The following ARHGAP26 variants were observed in gnomAD, a reference collection of about 807,000 sequenced individuals.
ARHGAP26 encodes the protein rho GTPase-activating protein 26.
ARHGAP26 carries 38 observed loss-of-function variants against 104.8 expected under a neutral mutation model. The ratio of observed to expected loss-of-function variants is 0.36; its 90% CI spans 0.28 to 0.48. ARHGAP26 has a LOEUF of 0.48. Among genes scored for constraint, ARHGAP26 ranks in the 20% least tolerant of loss-of-function variants. The probability of loss-of-function intolerance (pLI) is 0.99; values close to 1 mark genes in which losing one functional copy is unlikely to be tolerated. For missense variants in ARHGAP26, 704 were observed against 947.9 expected, an observed-to-expected ratio of 0.74 and a Z score of 3.38; for synonymous variants, 341 against 340.0, an observed-to-expected ratio of 1.00 and a Z score of -0.03.
chr5:143,201,871 C>A (rs542525106), intron 20 of ARHGAP26, among the ~76,000 whole-genome samples: 1 of 152,314 alleles, frequency 6.6e-6, no homozygotes, highest in East Asian at 1.9e-4. Flanking sequence ...AAACAAAAGG[C>A]ATAATTCCTT....
intron 21 of ARHGAP26, among the ~76,000 whole-genome samples, chr5:143,210,989 T>C (rs938259854): frequency 2.0e-5 from 3 of 152,332 alleles, no homozygotes; most frequent in Middle Eastern, 3.4e-3. Flanking sequence ...CAATGATGCC[T>C]GGTGGAGATT....
At chr5:143,061,004 C>T (rs1786617548) in intron 17 of ARHGAP26, among the ~76,000 whole-genome samples, 1 of 152,180 alleles carries the variant, frequency 6.6e-6, no homozygotes, top group Admixed American at 6.5e-5. Context: ...CCAGTTTTGA[C>T]TTTCCAAGTC....
intron 11 of ARHGAP26, among the ~76,000 whole-genome samples, chr5:143,009,514 C>T (rs1412415973): frequency 3.3e-5 from 5 of 152,206 alleles, no homozygotes; most frequent in Non-Finnish European, 7.3e-5. Flanking sequence ...GGTATGAGAA[C>T]CGAATAAGAC....
intron 22 of ARHGAP26, among the ~76,000 whole-genome samples, chr5:143,221,552 C>T (rs998966420): frequency 1.3e-5 from 2 of 151,948 alleles, no homozygotes; most frequent in African/African-American, 4.8e-5. Context: ...CTTGCTCTGT[C>T]GCCCAGGCTG....
At chr5:143,037,841 A>G (rs1302518806) in intron 13 of ARHGAP26, among the ~76,000 whole-genome samples, 3 of 152,196 alleles carry the variant, frequency 2.0e-5, no homozygotes, top group African/African-American at 7.2e-5. Flanking sequence ...TCTGGCAGAC[A>G]TCTTGGGGTC....
chr5:142,778,217 A>G (rs1429445071), intron 1 of ARHGAP26, among the ~76,000 whole-genome samples: 1 of 152,222 alleles, frequency 6.6e-6, no homozygotes, highest in East Asian at 1.9e-4. Context: ...TATTTGCTAA[A>G]ATAGTTTGCT....
chr5:143,222,554 C>A lies in ARHGAP26; in HGVS notation c.*108C>A. 1 of 815,340 alleles carries A rather than the reference C, an allele frequency of 1.2e-6. No homozygotes were observed. The highest frequency in any genetic ancestry group is 1.8e-6 in the Non-Finnish European group (1 of 546,018). 50.5% of individuals were successfully genotyped at this position (815,340 alleles called of 1,614,324 possible). On this transcript the variant is annotated 3_prime_UTR_variant, in exon 23 of 23. Transcript: ENST00000645722. Reference sequence around the variant, plus strand: ...CCACTGAGAAATGCAGCGTGACTGACTCTGTTGCTACCTGTCAACATGAAT... The same window carrying A: ...CCACTGAGAAATGCAGCGTGACTGAATCTGTTGCTACCTGTCAACATGAAT...
At chr5:142,870,061 C>T (rs1755047818) in intron 1 of ARHGAP26, among the ~76,000 whole-genome samples, 1 of 152,232 alleles carries the variant, frequency 6.6e-6, no homozygotes, top group African/African-American at 2.4e-5. Flanking sequence ...TTTCTAGCAA[C>T]AGATGTTTCT....
chr5:143,217,119 G>A (rs996498757), intron 22 of ARHGAP26, among the ~76,000 whole-genome samples: 17 of 151,996 alleles, frequency 1.1e-4, no homozygotes, highest in African/African-American at 1.9e-4. Context: ...GAAAGTGCAC[G>A]TGTGTGTGTG....
intron 1 of ARHGAP26, among the ~76,000 whole-genome samples, chr5:142,784,995 C>T (rs1644058): frequency 0.091 from 13,308 of 146,252 alleles, 1,125 homozygotes; most frequent in African/African-American, 0.24. Flanking sequence ...GGCGCGATCT[C>T]GGCTCACTGC....
chr5:143,014,237 C>T (rs571775152), intron 12 of ARHGAP26, 121 bp downstream of exon 12: 57 of 1,094,296 alleles, frequency 5.2e-5, no homozygotes, highest in Admixed American at 3.7e-4. Flanking sequence ...CTCCAGTTCC[C>T]GAGTGCAGTG....
chr5:143,076,159 A>AT (rs368079758), intron 17 of ARHGAP26, among the ~76,000 whole-genome samples: 65,762 of 109,978 alleles, frequency 0.6, 21,415 homozygotes, highest in Non-Finnish European at 0.71. Flanking sequence ...GACCTGGCTA[A>AT]TTTTTTTTTT....
Position 143,147,705 on chromosome 5 carries a change from G to A in ARHGAP26, c.1988+324G>A, listed in dbSNP as rs114591033. ...TTCTGTAAGTTTTACAAACGTCCAG[G>A]GACTGTAGCAGCTCTGTGGCCGAGT... On this transcript the variant is annotated intron_variant, in intron 20 of 22. Transcript: ENST00000645722. Among the ~76,000 whole-genome samples the A allele has an allele frequency of 2.8e-3, 421 of 152,158 alleles. 1 individual carries two copies. Among genetic ancestry groups the A allele is most frequent in the African/African-American group, 9.9e-3 (413 of 41,516 alleles).
At chr5:142,955,239 G>T (rs1221367558) in intron 11 of ARHGAP26, among the ~76,000 whole-genome samples, 3 of 152,100 alleles carry the variant, frequency 2.0e-5, no homozygotes, top group African/African-American at 7.2e-5. Flanking sequence ...GGTTGAGGCT[G>T]CAGGGGGCCA....
chr5:142,903,762 A>C, intron 8 of ARHGAP26, 93 bp downstream of exon 8: 1 of 1,315,598 alleles, frequency 7.6e-7, no homozygotes, highest in Non-Finnish European at 1.0e-6. Context: ...CTTACTGTAG[A>C]TACATGCTTG....
chr5:142,982,488 G>A (rs1774086286), intron 11 of ARHGAP26, among the ~76,000 whole-genome samples: 1 of 152,186 alleles, frequency 6.6e-6, no homozygotes, highest in Non-Finnish European at 1.5e-5. Flanking sequence ...ACAGGAAGGA[G>A]CGGGCAGGGC....
chr5:143,101,031 T>G lies in ARHGAP26; in HGVS notation c.1539-19957T>G, dbSNP rs554990863. 2.0e-5 allele frequency among the ~76,000 whole-genome samples: 3 copies of G among 152,258 alleles called. No individual in the cohort carries two copies. The South Asian group carries it at 6.2e-4, about 32-fold the overall frequency. Reference sequence around the variant, plus strand: ...TGGCTTGAACCTGGGAGGCGGAGGTTGCAGTGAACAAACATTGTGTCACTA... The same window carrying G: ...TGGCTTGAACCTGGGAGGCGGAGGTGGCAGTGAACAAACATTGTGTCACTA... On this transcript the variant is annotated intron_variant, in intron 17 of 22. Transcript: ENST00000645722.
intron 22 of ARHGAP26, 57 bp from the exon 23 acceptor site, chr5:143,222,301 C>A: frequency 7.7e-7 from 1 of 1,290,432 alleles, no homozygotes; most frequent in Non-Finnish European, 1.1e-6. Context: ...CACACATCTG[C>A]CGCCTGCTCT....
intron 10 of ARHGAP26, among the ~76,000 whole-genome samples, chr5:142,922,667 G>A (rs1388502887): frequency 6.6e-6 from 1 of 152,032 alleles, no homozygotes; most frequent in Non-Finnish European, 1.5e-5. Flanking sequence ...CTTTGCTTTA[G>A]GAATGGCTTA....
Sources: gnomAD v4.1 joint callset for allele counts (sites outside exome capture counted in the v4.1 genomes callset) on GRCh38, gnomAD v4.1.1 for gene constraint, MANE v1.5 for transcripts, NCBI Gene and HGNC (gene_info 2026-07-23, HGNC 2026-07-21) for gene names.